The following PDE11A variants were observed in gnomAD, a reference collection of about 807,000 sequenced individuals.
PDE11A encodes dual 3',5'-cyclic-AMP and -GMP phosphodiesterase 11A.
Under a neutral mutation model 100.5 loss-of-function variants are expected in PDE11A, and 100 were observed. The ratio of observed to expected loss-of-function variants is 1.00; its 90% CI spans 0.85 to 1.18. The LOEUF is 1.18. PDE11A is among the 50% of genes most tolerant of loss of function. PDE11A has a pLI of 0.00. For synonymous variants in PDE11A, 381 were observed against 420.8 expected (o/e 0.91, Z 1.16); for missense variants, 1,141 against 1,152.6 (o/e 0.99, Z 0.15).
At chr2:178,003,258 T>C (rs888906611) in intron 2 of PDE11A, among the ~76,000 whole-genome samples, 12 of 152,196 alleles carry the variant, frequency 7.9e-5, no homozygotes, top group African/African-American at 2.6e-4. Context: ...TAAATGTTCA[T>C]AGAAGCATTA....
At chr2:178,006,757 A>G (rs1023216968) in intron 2 of PDE11A, among the ~76,000 whole-genome samples, 1 of 152,012 alleles carries the variant, frequency 6.6e-6, no homozygotes, top group Non-Finnish European at 1.5e-5. Context: ...AATAAACGGC[A>G]TTATAAAATT....
At chr2:177,811,658 G>C (rs751746718) in intron 9 of PDE11A, among the ~76,000 whole-genome samples, 1 of 151,918 alleles carries the variant, frequency 6.6e-6, no homozygotes, top group Non-Finnish European at 1.5e-5. Context: ...GCCTTGCATG[G>C]TAAGTCTTTT....
At chr2:177,644,094 G>C (rs1474253429) in intron 19 of PDE11A, among the ~76,000 whole-genome samples, 1 of 152,234 alleles carries the variant, frequency 6.6e-6, no homozygotes. Flanking sequence ...ATGTGGGGGG[G>C]AGCCCCCACA....
At chr2:178,013,902 A>G (rs1002529491) in intron 2 of PDE11A, among the ~76,000 whole-genome samples, 2 of 152,162 alleles carry the variant, frequency 1.3e-5, no homozygotes, top group African/African-American at 4.8e-5. Context: ...CTGAGAAAAC[A>G]ATTCTTTGTT....
intron 19 of PDE11A, among the ~76,000 whole-genome samples, chr2:177,643,685 T>C (rs1574091407): frequency 6.6e-6 from 1 of 151,862 alleles, no homozygotes; most frequent in East Asian, 1.9e-4. Context: ...CCCAAGACAA[T>C]GGGGAAAATG....
At chr2:177,741,263 G>A (rs1176320947) in intron 10 of PDE11A, among the ~76,000 whole-genome samples, 1 of 152,156 alleles carries the variant, frequency 6.6e-6, no homozygotes, top group Non-Finnish European at 1.5e-5. Context: ...CTCGCTACGT[G>A]CTCACACGGC....
intron 9 of PDE11A, among the ~76,000 whole-genome samples, chr2:177,789,080 C>A (rs1274232635): frequency 6.6e-6 from 1 of 152,160 alleles, no homozygotes; most frequent in Non-Finnish European, 1.5e-5. Flanking sequence ...GGCAGAGACA[C>A]AACCAAAAAG....
chr2:177,682,643 A>C (rs1173927390), intron 15 of PDE11A, among the ~76,000 whole-genome samples: 2 of 152,240 alleles, frequency 1.3e-5, no homozygotes, highest in East Asian at 1.9e-4. Flanking sequence ...CTTGCTAATG[A>C]GAGAATATTT....
chr2:177,912,659 T>C (rs574954921), intron 2 of PDE11A, among the ~76,000 whole-genome samples: 59 of 152,258 alleles, frequency 3.9e-4, no homozygotes, highest in Admixed American at 5.9e-4. Flanking sequence ...ATGTCCTTTC[T>C]AAAATAATTT....
At chr2:177,763,107 G>A (rs1287387553) in intron 10 of PDE11A, among the ~76,000 whole-genome samples, 2 of 152,158 alleles carry the variant, frequency 1.3e-5, no homozygotes, top group Non-Finnish European at 2.9e-5. Context: ...TTATGGATGC[G>A]TCCTGAGCAG....
Position 177,628,418 on chromosome 2 carries a change from T to A in PDE11A, c.*989A>T, listed in dbSNP as rs1001167583. On this transcript the variant is annotated 3_prime_UTR_variant, in exon 20 of 20. Coordinates refer to ENST00000286063, the MANE Select transcript of PDE11A (RefSeq NM_016953.4). ...TAGAATATGCGTTCTTTGCCCAGAC[T>A]GTTATTTCTTAACATTTGAAGCATT... 1.2e-4 allele frequency: 19 copies of A among 152,680 alleles called. No homozygotes were observed. The highest frequency in any genetic ancestry group is 4.6e-4 in the African/African-American group (19 of 41,470). The allele number at this position is 152,680 out of a possible 1,614,324, so 9.5% of individuals were successfully genotyped here.
At chr2:178,089,276 C>CA in intron 2 of PDE11A, among the ~76,000 whole-genome samples, 1 of 152,186 alleles carries the variant, frequency 6.6e-6, no homozygotes, top group East Asian at 1.9e-4. Context: ...AAAATTATTC[C>CA]AACACTTGTT....
At chr2:177,923,146 AT>A (rs1247844325) in intron 2 of PDE11A, among the ~76,000 whole-genome samples, 4 of 151,620 alleles carry the variant, frequency 2.6e-5, no homozygotes, top group Non-Finnish European at 5.9e-5. Context: ...TATATTAAAT[AT>A]TTTTAATTTA....
intron 19 of PDE11A, among the ~76,000 whole-genome samples, chr2:177,643,714 G>A (rs1416592904): frequency 6.6e-6 from 1 of 152,250 alleles, no homozygotes; most frequent in African/African-American, 2.4e-5. Flanking sequence ...CCATGTCAGT[G>A]GTCTTCAAAG....
rs543784063 is a variant in PDE11A, at chr2:177,706,937, A to G, written c.2153+4832T>C. ...TGAGGAAGTGTAAAACATAGCTAGT[A>G]AGGTTTACTTTGGTTTTATAATTTT... On this transcript the variant is annotated intron_variant, in intron 13 of 19. Transcript: ENST00000286063. 1.3e-4 allele frequency among the ~76,000 whole-genome samples: 20 copies of G among 151,894 alleles called. No individual in the cohort carries two copies. In the South Asian group the frequency reaches 4.2e-3, roughly 32 times the overall value.
chr2:177,895,835 T>G (rs1053472757), intron 4 of PDE11A, among the ~76,000 whole-genome samples: 1 of 152,132 alleles, frequency 6.6e-6, no homozygotes, highest in Non-Finnish European at 1.5e-5. Context: ...TACATATACA[T>G]TACAAATTAT....
At position 177,991,321 on chromosome 2, in the gene PDE11A, ACT is replaced by A. The variant is rs1360129122; in HGVS notation, c.1071+22979_1071+22980del. Among the ~76,000 whole-genome samples, 4 of 146,000 alleles carry A rather than the reference ACT, an allele frequency of 2.7e-5. 1 individual carries two copies. Among genetic ancestry groups the A allele is most frequent in the Non-Finnish European group, 6.0e-5 (4 of 66,790 alleles). On this transcript the variant is annotated intron_variant, in intron 2 of 19. Coordinates refer to ENST00000286063, the MANE Select transcript of PDE11A (RefSeq NM_016953.4). The stretch of plus-strand genomic sequence containing the variant: ...ACTCCAGCCTGGGCGACAGAGTAAG[ACT>A]CTGTCTCAAAAAGTAAAATATAATA...
At chr2:177,722,749 G>A (rs1199824265) in intron 12 of PDE11A, among the ~76,000 whole-genome samples, 3 of 152,098 alleles carry the variant, frequency 2.0e-5, no homozygotes, top group African/African-American at 4.8e-5. Flanking sequence ...TTGCCATCTT[G>A]TAGGTTACAT....
intron 16 of PDE11A, 34 bp downstream of exon 16, chr2:177,680,792 A>T: frequency 4.2e-6 from 5 of 1,185,272 alleles, no homozygotes; most frequent in Non-Finnish European, 6.3e-6. Context: ...TGTCCAAATA[A>T]TGAAGAAACA....
Sources: allele counts gnomAD v4.1 joint callset (sites outside exome capture counted in the v4.1 genomes callset), GRCh38; gene constraint gnomAD v4.1.1; transcripts MANE v1.5; gene names NCBI Gene and HGNC (gene_info 2026-07-23, HGNC 2026-07-21).